RTTN: variants seen among roughly 807,000 people sequenced by gnomAD.
The protein encoded by RTTN is rotatin.
A neutral mutation model predicts 269.2 loss-of-function variants in RTTN; 182 were observed. That is an observed-to-expected ratio of 0.68 (90% CI 0.60 to 0.76). The LOEUF (loss-of-function observed/expected upper bound fraction) is 0.76, where lower values mean the gene tolerates loss of function less well. RTTN is among the 30% of genes least tolerant of loss of function. The pLI is 0.00. For synonymous variants in RTTN, 1,006 were observed against 963.5 expected (o/e 1.04, Z -0.82); for missense variants, 2,545 against 2,608.6 (o/e 0.98, Z 0.53).
chr18:70,033,080 C>T (rs2084341398), intron 40 of RTTN, among the ~76,000 whole-genome samples: 1 of 152,210 alleles, frequency 6.6e-6, no homozygotes, highest in Non-Finnish European at 1.5e-5. Context: ...TTAGCACCGT[C>T]CCTTTGGTTC....
intron 40 of RTTN, among the ~76,000 whole-genome samples, chr18:70,038,173 G>C (rs1240754520): frequency 6.6e-6 from 1 of 152,156 alleles, no homozygotes; most frequent in African/African-American, 2.4e-5. Flanking sequence ...ACCTGCTCAG[G>C]GTCTGGGGGA....
intron 30 of RTTN, among the ~76,000 whole-genome samples, chr18:70,090,731 A>C (rs921150209): frequency 1.2e-4 from 18 of 152,194 alleles, no homozygotes; most frequent in Non-Finnish European, 2.4e-4. Flanking sequence ...TGTGGGCCAG[A>C]ATGATGACCC....
chr18:70,190,293 A>T lies in RTTN; in HGVS notation c.1189+245T>A, dbSNP rs573411160. Among the ~76,000 whole-genome samples, 4 of 152,210 alleles carry T rather than the reference A, an allele frequency of 2.6e-5. No individual in the cohort carries two copies. In the South Asian group the frequency reaches 8.3e-4, roughly 32 times the overall value. ...AGATAAAAATTCTAAAAAAAAAATAAGCATGAAAGCCTGTGCCAATAAAAA... is the reference window on the plus strand; with the variant it reads ...AGATAAAAATTCTAAAAAAAAAATATGCATGAAAGCCTGTGCCAATAAAAA... On this transcript the variant is annotated intron_variant, in intron 9 of 48. Transcript: ENST00000640769.
At position 70,092,757 on chromosome 18, in the gene RTTN, G is replaced by C. The variant is rs2058885440; in HGVS notation, c.3951C>G (p.Phe1317Leu). Residue 1317 changes from phenylalanine to leucine, a missense_variant, in exon 29 of 49, where the codon TTC (phenylalanine) becomes TTG (leucine). By Grantham distance (22) the Phe-to-Leu change is conservative. Transcript: ENST00000640769. The stretch of plus-strand genomic sequence containing the variant: ...TGCTCTTTGTAACACCTTTTCCCAT[G>C]AAGGACATAGCATTTCCTCCACGCT... Reference protein sequence around the residue: ...YVERGGNAMSFMGKGVTKSTI... With the variant: ...YVERGGNAMSLMGKGVTKSTI... 1 of 1,613,050 alleles carries C rather than the reference G, an allele frequency of 6.2e-7. No homozygotes were observed.
chr18:70,008,967 T>C (rs937147619), intron 46 of RTTN: 1 of 152,130 alleles, frequency 6.6e-6, no homozygotes, highest in African/African-American at 2.4e-5. Flanking sequence ...ATCATCAGAT[T>C]CACCAAGGTT....
At chr18:70,149,619 C>T (rs534544286) in intron 16 of RTTN, among the ~76,000 whole-genome samples, 1 of 150,758 alleles carries the variant, frequency 6.6e-6, no homozygotes, top group African/African-American at 2.4e-5. Context: ...ATGGATAGAA[C>T]TCATGAGGCA....
At chr18:70,099,163 C>T (rs1255790529) in intron 28 of RTTN, among the ~76,000 whole-genome samples, 1 of 152,164 alleles carries the variant, frequency 6.6e-6, no homozygotes, top group Non-Finnish European at 1.5e-5. Flanking sequence ...CTTAAGGAAT[C>T]ACCACACTGT....
intron 12 of RTTN, 48 bp from the exon 13 acceptor site, chr18:70,167,079 T>C (rs2061007343): frequency 1.6e-6 from 2 of 1,247,480 alleles, no homozygotes; most frequent in Non-Finnish European, 1.2e-6. Flanking sequence ...TCATGTGCAA[T>C]GATATTCTCA....
At chr18:70,196,053 T>C (rs1403702485) in intron 7 of RTTN, among the ~76,000 whole-genome samples, 1 of 152,208 alleles carries the variant, frequency 6.6e-6, no homozygotes, top group Non-Finnish European at 1.5e-5. Context: ...TTCTCTGAAG[T>C]CTCACATTGC....
chr18:70,102,473 G>A (rs976609391), intron 28 of RTTN, among the ~76,000 whole-genome samples: 12 of 152,140 alleles, frequency 7.9e-5, no homozygotes, highest in Middle Eastern at 3.4e-3. Flanking sequence ...GTCTCTGCAC[G>A]TGAGATGAGT....
At chr18:70,137,047 G>GA (rs2060141299) in intron 21 of RTTN, among the ~76,000 whole-genome samples, 1 of 152,078 alleles carries the variant, frequency 6.6e-6, no homozygotes, top group Admixed American at 6.6e-5. Flanking sequence ...AAATCATTCG[G>GA]AAAAATATAT....
intron 9 of RTTN, 78 bp from the exon 10 acceptor site, chr18:70,188,301 C>A: frequency 1.3e-6 from 1 of 768,836 alleles, no homozygotes; most frequent in Non-Finnish European, 2.3e-6. Flanking sequence ...TCATATTGCT[C>A]AATTTTCTAG....
At chr18:70,179,428 G>A (rs2061371883) in intron 10 of RTTN, among the ~76,000 whole-genome samples, 1 of 152,156 alleles carries the variant, frequency 6.6e-6, no homozygotes, top group African/African-American at 2.4e-5. Flanking sequence ...TTAGGAATGA[G>A]TTTTACAGTT....
At chr18:70,103,606 G>C (rs1451561961) in intron 28 of RTTN, among the ~76,000 whole-genome samples, 1 of 151,928 alleles carries the variant, frequency 6.6e-6, no homozygotes, top group Admixed American at 6.5e-5. Flanking sequence ...AGTACCCAGG[G>C]ACACAGACAC....
chr18:70,033,697 A>G (rs1219482538), intron 40 of RTTN, among the ~76,000 whole-genome samples: 1 of 152,078 alleles, frequency 6.6e-6, no homozygotes, highest in Non-Finnish European at 1.5e-5. Context: ...CCCCAAAGCT[A>G]GTAGAACACA....
intron 40 of RTTN, among the ~76,000 whole-genome samples, chr18:70,046,453 T>C (rs889052676): frequency 6.6e-6 from 1 of 152,166 alleles, no homozygotes; most frequent in African/African-American, 2.4e-5. Context: ...AAAGCCAAAG[T>C]TGGGAAATTT....
At chr18:70,174,158 A>C (rs113192465) in intron 11 of RTTN, among the ~76,000 whole-genome samples, 119 of 152,216 alleles carry the variant, frequency 7.8e-4, no homozygotes, top group African/African-American at 2.5e-3. Context: ...AAAAAAAAAA[A>C]AAAAAGCCTT....
chr18:70,189,889 T>G (rs7234144), intron 9 of RTTN, among the ~76,000 whole-genome samples: 6 of 152,172 alleles, frequency 3.9e-5, no homozygotes, highest in African/African-American at 1.4e-4. Context: ...ACAATTACAA[T>G]TAAATACCAG....
chr18:70,031,432 G>T (rs886623839), intron 40 of RTTN: 3 of 397,900 alleles, frequency 7.5e-6, no homozygotes, highest in Non-Finnish European at 1.3e-5. Flanking sequence ...AGGTGATTTG[G>T]TTCTTTCCAT....
Sources: allele counts gnomAD v4.1 joint callset (sites outside exome capture counted in the v4.1 genomes callset), GRCh38; gene constraint gnomAD v4.1.1; transcripts MANE v1.5; gene names NCBI Gene and HGNC (gene_info 2026-07-23, HGNC 2026-07-21).